Variants in EWSR1 observed in about 807,000 individuals in gnomAD.
The protein encoded by EWSR1 is RNA-binding protein EWS.
In EWSR1, 14 loss-of-function variants were observed where a neutral mutation model predicts 92.1. The observed-to-expected ratio is 0.15, with a 90% CI of 0.10 to 0.24. The LOEUF (loss-of-function observed/expected upper bound fraction) is 0.24, where lower values mean the gene tolerates loss of function less well. Among genes scored for constraint, EWSR1 ranks in the 10% least tolerant of loss-of-function variants. The pLI, the probability that EWSR1 is intolerant of heterozygous loss-of-function variation, is 1.00. For synonymous variants in EWSR1, 303 were observed against 292.9 expected (o/e 1.03, Z -0.35); for missense variants, 637 against 870.9 (o/e 0.73, Z 3.38).
intron 5 of EWSR1, among the ~76,000 whole-genome samples, chr22:29,280,874 T>G (rs796644367): frequency 0.017 from 1,757 of 101,106 alleles, 66 homozygotes; most frequent in African/African-American, 0.06. Flanking sequence ...TTTTTTTTTT[T>G]TTTTTTTTTT....
intron 1 of EWSR1, 59 bp from the exon 2 acceptor site, chr22:29,272,157 T>A (rs964770249): frequency 6.6e-7 from 1 of 1,513,990 alleles, no homozygotes; most frequent in African/African-American, 1.4e-5. Flanking sequence ...TTCCCCCTTT[T>A]TTCTCTTCTC....
At chr22:29,289,763 A>G (rs5763131) in intron 8 of EWSR1, 42,217 of 232,014 alleles carry the variant, frequency 0.18, 4,129 homozygotes, top group East Asian at 0.34. Flanking sequence ...TAACTTCCAT[A>G]TTAGCAAATA....
Position 29,272,197 on chromosome 22 carries a change from C to T in EWSR1, c.14-19C>T, listed in dbSNP as rs950721618. ...TTTCTGCTAACTTTACACTATTTTT[C>T]CTCCTTGTTTTCCTCTAGATTACAG... On this transcript the variant is annotated intron_variant, in intron 1 of 16. Coordinates refer to ENST00000397938, the MANE Select transcript of EWSR1 (RefSeq NM_005243.4). 10 of 1,612,198 alleles carry T rather than the reference C, an allele frequency of 6.2e-6. No homozygotes were observed. Among genetic ancestry groups the T allele is most frequent in the Non-Finnish European group, 8.5e-7 (1 of 1,178,512 alleles).
At position 29,288,642 on chromosome 22, in the gene EWSR1, T is replaced by C. The variant is rs2060228575; in HGVS notation, c.830T>C (p.Val277Ala). Residue 277 changes from valine to alanine, a missense_variant, in exon 8 of 17, where the codon GTT becomes GCT. By Grantham distance (64) the Val-to-Ala change is moderately conservative. Transcript: ENST00000397938. The part of the protein sequence containing the change: ...FRQDHPSSMG[V>A]YGQESGGFSG... ...CAGGACCACCCCAGTAGCATGGGTGTTTATGGGCAGGAGTCTGGAGGATTT... is the reference window on the plus strand; with the variant it reads ...CAGGACCACCCCAGTAGCATGGGTGCTTATGGGCAGGAGTCTGGAGGATTT... 1 of 1,613,256 alleles carries C rather than the reference T, an allele frequency of 6.2e-7. No individual in the cohort carries two copies.
rs762126832 is a variant in EWSR1, at chr22:29,292,140, C to A, written c.1016C>A (p.Pro339His). 4 of 1,613,688 alleles carry A rather than the reference C, an allele frequency of 2.5e-6. No individual in the cohort carries two copies. The South Asian group carries it at 3.3e-5, about 13-fold the overall frequency. The change falls in exon 10 of 17, where the codon CCC becomes CAC. Residue 339 changes from proline (P) to histidine (H), a missense_variant. This residue lies in a region of EWSR1 where 363 missense variants were observed against 447.8 expected (regional missense o/e 0.81). Coordinates refer to ENST00000397938, the MANE Select transcript of EWSR1 (RefSeq NM_005243.4). ...ERGGFNKPGGPMDEGPDLDLG... is the reference protein window; with the variant it reads ...ERGGFNKPGGHMDEGPDLDLG... ...TATGATCTTTCCTGGTTGGCAGGAC[C>A]CATGGATGAAGGACCAGATCTTGAT...
At chr22:29,290,629 G>A in intron 8 of EWSR1, 1 of 1,468,346 alleles carries the variant, frequency 6.8e-7, no homozygotes, top group South Asian at 1.5e-5. Flanking sequence ...ATGAACCAGA[G>A]GAGGTATAAT....
Position 29,288,706 on chromosome 22 carries a change from T to C in EWSR1, c.894T>C (p.Asp298=). Reference sequence around the variant, plus strand: ...AGAACCGGAGCATGAGTGGCCCTGATAACCGGGGCAGGGGAAGAGGGGGAT... The same window carrying C: ...AGAACCGGAGCATGAGTGGCCCTGACAACCGGGGCAGGGGAAGAGGGGGAT... ...PGENRSMSGP[D]NRGRGRGGFD... Residue 298 remains aspartate, a synonymous_variant, in exon 8 of 17, where the codon GAT becomes GAC. Transcript: ENST00000397938. 1 of 1,613,862 alleles carries C rather than the reference T, an allele frequency of 6.2e-7. No individual in the cohort carries two copies. The highest frequency in any genetic ancestry group is 8.5e-7 in the Non-Finnish European group (1 of 1,179,844).
intron 4 of EWSR1, chr22:29,277,540 G>T (rs2059218945): frequency 4.4e-6 from 1 of 228,596 alleles, no homozygotes; most frequent in African/African-American, 2.2e-5. Flanking sequence ...CAAATTACAG[G>T]TTTTAGTGCT....
intron 4 of EWSR1, chr22:29,274,601 T>C: frequency 2.7e-6 from 1 of 370,414 alleles, no homozygotes. Context: ...GATTGCATGA[T>C]GAGATTTATT....
Position 29,273,773 on chromosome 22 carries a change from A to G in EWSR1, c.135A>G (p.Gly45=), listed in dbSNP as rs751022322. The change falls in exon 4 of 17, where the codon GGA becomes GGG. Residue 45 remains glycine (G), a synonymous_variant. Coordinates refer to ENST00000397938, the MANE Select transcript of EWSR1 (RefSeq NM_005243.4). ...GGCAACAAAGCTATGGAACCTATGGACAGCCCACTGATGTCAGCTATACCC... is the reference window on the plus strand; with the variant it reads ...GGCAACAAAGCTATGGAACCTATGGGCAGCCCACTGATGTCAGCTATACCC... ...AYGQQSYGTY[G]QPTDVSYTQA... 3.1e-6 allele frequency: 5 copies of G among 1,613,902 alleles called. No homozygotes were observed. Among genetic ancestry groups the G allele is most frequent in the Admixed American group, 3.3e-5 (2 of 60,014 alleles).
At chr22:29,268,732 C>G (rs1003565947) in intron 1 of EWSR1, among the ~76,000 whole-genome samples, 1 of 152,226 alleles carries the variant, frequency 6.6e-6, no homozygotes, top group African/African-American at 2.4e-5. Context: ...ACTATGAAAC[C>G]GCCGGGGGGC....
intron 4 of EWSR1, chr22:29,277,152 A>C (rs569870333): frequency 1.8e-5 from 4 of 226,110 alleles, no homozygotes; most frequent in Admixed American, 5.7e-5. Flanking sequence ...TTTGCAGCAT[A>C]CCTGTGAAAC....
chr22:29,291,642 T>G (rs771637046), intron 9 of EWSR1, 43 bp downstream of exon 9: 2 of 1,544,450 alleles, frequency 1.3e-6, no homozygotes, highest in Non-Finnish European at 1.8e-6. Flanking sequence ...TAAAAAAAAA[T>G]GCAGTCAGTT....
At chr22:29,291,863 T>G (rs2060465443) in intron 9 of EWSR1, 1 of 564,738 alleles carries the variant, frequency 1.8e-6, no homozygotes, top group Non-Finnish European at 3.1e-6. Flanking sequence ...GAGGAAAAAT[T>G]TTGACTTAAA....
In EWSR1 at chr22:29,299,776, G is replaced by C. The variant is rs1306133173; in HGVS notation, c.1856G>C (p.Gly619Ala). 6.2e-7 allele frequency: 1 copy of C among 1,603,790 alleles called. No homozygotes were observed. Among genetic ancestry groups the C allele is most frequent in the South Asian group, 1.1e-5 (1 of 89,964 alleles). The change falls in exon 16 of 17, where the codon GGG becomes GCG. Residue 619 changes from glycine (G) to alanine (A), a missense_variant. Transcript: ENST00000397938. Reference sequence around the variant, plus strand: ...GGTGGAGGAAGACGAGGTGGCCCTGGGGGGCCCCCTGGACCTTTGATGGAA... The same window carrying C: ...GGTGGAGGAAGACGAGGTGGCCCTGCGGGGCCCCCTGGACCTTTGATGGAA... ...GFGGGRRGGP[G>A]GPPGPLMEQM... is the part of the protein sequence containing the mutation.
At chr22:29,284,713 G>A (rs1392958118) in intron 6 of EWSR1, among the ~76,000 whole-genome samples, 2 of 151,236 alleles carry the variant, frequency 1.3e-5, no homozygotes, top group Non-Finnish European at 2.9e-5. Context: ...CTGTAGCCTC[G>A]AACTTCCTGG....
chr22:29,274,186 C>G (rs1220609492), intron 4 of EWSR1: 1 of 1,489,834 alleles, frequency 6.7e-7, no homozygotes, highest in Middle Eastern at 1.7e-4. Context: ...AATTGAGCTG[C>G]TTAAAAATCA....
At chr22:29,270,774 T>G (rs903177713) in intron 1 of EWSR1, among the ~76,000 whole-genome samples, 15 of 152,344 alleles carry the variant, frequency 9.8e-5, no homozygotes, top group African/African-American at 3.6e-4. Flanking sequence ...CATTGCTGTG[T>G]TTATTTTGTA....
chr22:29,269,789 C>G (rs987068661), intron 1 of EWSR1: 1 of 152,244 alleles, frequency 6.6e-6, no homozygotes, highest in African/African-American at 2.4e-5. Flanking sequence ...CCTATCCACC[C>G]TCTTCTGCTC....
Sources: allele counts gnomAD v4.1 joint callset (sites outside exome capture counted in the v4.1 genomes callset), GRCh38; gene constraint gnomAD v4.1.1; regional missense constraint gnomAD v4.1.1; transcripts MANE v1.5; gene names NCBI Gene and HGNC (gene_info 2026-07-23, HGNC 2026-07-21).